Variants in RBFOX1 observed in about 807,000 individuals in gnomAD.
RBFOX1 encodes RNA binding fox-1 homolog 1, also known as RNA binding protein fox-1 homolog 1.
RBFOX1 carries 8 observed loss-of-function variants against 57.7 expected under a neutral mutation model. The ratio of observed to expected loss-of-function variants is 0.14; its 90% CI spans 0.08 to 0.25. The LOEUF is 0.25. RBFOX1 is among the 10% of genes least tolerant of loss of function. RBFOX1 has a pLI of 1.00. For missense variants in RBFOX1, 611 were observed against 548.5 expected (o/e 1.11, Z -1.14); for synonymous variants, 326 against 222.4 (o/e 1.47, Z -4.15).
intron 1 of RBFOX1, among the ~76,000 whole-genome samples, chr16:5,434,007 A>T (rs1291101933): frequency 6.6e-6 from 1 of 151,578 alleles, no homozygotes; most frequent in East Asian, 1.9e-4. Context: ...CCCCAGTCCT[A>T]TCCAGTCTGA....
At chr16:7,072,429 T>C (rs1344260833) in intron 4 of RBFOX1, among the ~76,000 whole-genome samples, 2 of 152,202 alleles carry the variant, frequency 1.3e-5, no homozygotes, top group African/African-American at 4.8e-5. Context: ...TTAGATTGAC[T>C]CCTCTTAAGG....
At chr16:7,046,309 A>G (rs2047923559) in intron 3 of RBFOX1, among the ~76,000 whole-genome samples, 1 of 149,374 alleles carries the variant, frequency 6.7e-6, no homozygotes, top group Non-Finnish European at 1.5e-5. Flanking sequence ...TGGATGTTTC[A>G]CTTTTTTCGG....
intron 4 of RBFOX1, among the ~76,000 whole-genome samples, chr16:7,503,127 A>G (rs1271808192): frequency 2.0e-5 from 3 of 152,204 alleles, no homozygotes; most frequent in Admixed American, 1.3e-4. Context: ...CTTCACTAGA[A>G]CATTCTGTCA....
intron 1 of RBFOX1, among the ~76,000 whole-genome samples, chr16:6,205,364 A>T (rs1035399019): frequency 6.6e-6 from 1 of 152,224 alleles, no homozygotes; most frequent in Admixed American, 6.5e-5. Context: ...ATCAAAGCTG[A>T]TAAGTCACCT....
intron 11 of RBFOX1, among the ~76,000 whole-genome samples, chr16:7,646,351 A>C (rs2063736983): frequency 6.6e-6 from 1 of 152,244 alleles, no homozygotes; most frequent in South Asian, 2.1e-4. Context: ...AGTTCCCCCA[A>C]GGGGAATCCT....
intron 3 of RBFOX1, among the ~76,000 whole-genome samples, chr16:6,981,111 C>G (rs1490930739): frequency 6.9e-6 from 1 of 145,976 alleles, no homozygotes; most frequent in Admixed American, 6.8e-5. Context: ...ATTAAGTAAA[C>G]TCTTTTTTTA....
intron 2 of RBFOX1, among the ~76,000 whole-genome samples, chr16:6,438,392 C>T (rs995374013): frequency 3.9e-5 from 6 of 152,126 alleles, no homozygotes; most frequent in African/African-American, 1.4e-4. Flanking sequence ...TGGAGTTGGA[C>T]TCACACCCAA....
At chr16:6,710,011 A>G (rs1327907498) in intron 3 of RBFOX1, among the ~76,000 whole-genome samples, 1 of 152,114 alleles carries the variant, frequency 6.6e-6, no homozygotes, top group African/African-American at 2.4e-5. Context: ...CAGGTAACCT[A>G]CTGATCTGAA....
chr16:6,212,252 A>G (rs1335729176), intron 1 of RBFOX1, among the ~76,000 whole-genome samples: 1 of 152,192 alleles, frequency 6.6e-6, no homozygotes, highest in Non-Finnish European at 1.5e-5. Flanking sequence ...AAGTTGTATA[A>G]TAGTATATAT....
At chr16:6,343,525 G>T (rs915822962) in intron 2 of RBFOX1, among the ~76,000 whole-genome samples, 3 of 152,186 alleles carry the variant, frequency 2.0e-5, no homozygotes, top group Non-Finnish European at 4.4e-5. Flanking sequence ...CATATTTCCT[G>T]TTCTCTTTCA....
chr16:6,997,432 C>A (rs1417660316), intron 3 of RBFOX1, among the ~76,000 whole-genome samples: 2 of 152,124 alleles, frequency 1.3e-5, no homozygotes, highest in Non-Finnish European at 2.9e-5. Context: ...GATCAGAGTT[C>A]ATTTATATCC....
intron 4 of RBFOX1, among the ~76,000 whole-genome samples, chr16:5,899,227 T>G (rs2058247110): frequency 6.6e-6 from 1 of 151,370 alleles, no homozygotes; most frequent in Admixed American, 6.6e-5. Context: ...TGATATATAC[T>G]GATGAGAAAT....
At chr16:6,967,893 A>G (rs2084634026) in intron 3 of RBFOX1, among the ~76,000 whole-genome samples, 1 of 152,164 alleles carries the variant, frequency 6.6e-6, no homozygotes, top group Non-Finnish European at 1.5e-5. Context: ...AAGATGCCCC[A>G]AATCACTGCT....
intron 2 of RBFOX1, among the ~76,000 whole-genome samples, chr16:6,435,470 T>G (rs1007498191): frequency 9.2e-5 from 14 of 152,056 alleles, no homozygotes; most frequent in Admixed American, 8.5e-4. Flanking sequence ...AGCTAATTTT[T>G]GTATTTCTTT....
chr16:5,516,071 C>T (rs1031402015), intron 2 of RBFOX1, among the ~76,000 whole-genome samples: 1 of 152,180 alleles, frequency 6.6e-6, no homozygotes, highest in African/African-American at 2.4e-5. Context: ...AGTGAATATT[C>T]CCGCTTCTGG....
At chr16:5,800,178 T>C (rs2055012276) in intron 3 of RBFOX1, among the ~76,000 whole-genome samples, 2 of 151,762 alleles carry the variant, frequency 1.3e-5, no homozygotes, top group African/African-American at 4.8e-5. Context: ...GTAGGAAATA[T>C]GCTAAGGGTA....
intron 2 of RBFOX1, among the ~76,000 whole-genome samples, chr16:6,600,351 G>A (rs1331095994): frequency 6.6e-6 from 1 of 152,010 alleles, no homozygotes; most frequent in Non-Finnish European, 1.5e-5. Context: ...CTGTCAGGAG[G>A]CTGCTCTGCT....
chr16:7,156,280 A>G (rs535007113), intron 4 of RBFOX1, among the ~76,000 whole-genome samples: 3 of 149,380 alleles, frequency 2.0e-5, no homozygotes, highest in East Asian at 2.0e-4. Flanking sequence ...GTACATGTAC[A>G]TATACATGTA....
chr16:7,417,696 C>T (rs1039156148), intron 4 of RBFOX1, among the ~76,000 whole-genome samples: 2 of 152,154 alleles, frequency 1.3e-5, no homozygotes, highest in African/African-American at 4.8e-5. Context: ...TGCTCCATAT[C>T]TCAGGAAACC....
Sources: allele counts gnomAD v4.1 joint callset (sites outside exome capture counted in the v4.1 genomes callset), GRCh38; gene constraint gnomAD v4.1.1; transcripts MANE v1.5; gene names NCBI Gene and HGNC (gene_info 2026-07-23, HGNC 2026-07-21).